Variants in COP1 observed in about 807,000 individuals in gnomAD.
The protein encoded by COP1 is E3 ubiquitin-protein ligase COP1.
A neutral mutation model predicts 101.3 loss-of-function variants in COP1; 24 were observed. The observed-to-expected ratio is 0.24, with a 90% confidence interval of 0.17 to 0.33. COP1 has a LOEUF of 0.33. COP1 is among the 10% of genes least tolerant of loss of function. COP1 has a pLI of 1.00. For synonymous variants in COP1, 347 were observed against 341.9 expected (o/e 1.01, Z -0.17); for missense variants, 663 against 906.2 (o/e 0.73, Z 3.45).
intron 1 of COP1, among the ~76,000 whole-genome samples, chr1:176,194,521 C>T (rs1446449635): frequency 6.6e-6 from 1 of 152,032 alleles, no homozygotes; most frequent in East Asian, 1.9e-4. Context: ...GCCTATAATC[C>T]CAGCTACTAG....
chr1:175,974,843 A>T (rs1423197297), intron 18 of COP1, among the ~76,000 whole-genome samples: 3 of 148,550 alleles, frequency 2.0e-5, no homozygotes, highest in Non-Finnish European at 3.0e-5. Flanking sequence ...GACCAGTCTG[A>T]CCAATATGGG....
At chr1:176,184,989 T>C (rs75880053) in intron 1 of COP1, among the ~76,000 whole-genome samples, 5,101 of 152,230 alleles carry the variant, frequency 0.034, 117 homozygotes, top group Non-Finnish European at 0.047. Flanking sequence ...AGTAGTACAA[T>C]GCAGTCACCA....
intron 15 of COP1, among the ~76,000 whole-genome samples, chr1:175,993,030 C>T (rs553475681): frequency 1.3e-5 from 2 of 152,180 alleles, no homozygotes; most frequent in South Asian, 4.1e-4. Context: ...CCGCCGGGTA[C>T]TCCTCTGAGA....
chr1:176,038,180 C>G (rs970573198), intron 14 of COP1, among the ~76,000 whole-genome samples: 1 of 151,702 alleles, frequency 6.6e-6, no homozygotes, highest in African/African-American at 2.4e-5. Flanking sequence ...TCATTAGCAC[C>G]AAAAAATAAA....
chr1:176,057,552 G>A (rs1270284123), intron 11 of COP1, among the ~76,000 whole-genome samples: 1 of 152,194 alleles, frequency 6.6e-6, no homozygotes, highest in Non-Finnish European at 1.5e-5. Flanking sequence ...GGCCGGGCTG[G>A]TCTCCAGCTC....
intron 9 of COP1, among the ~76,000 whole-genome samples, chr1:176,112,840 T>C (rs781569692): frequency 1.2e-4 from 18 of 152,164 alleles, no homozygotes; most frequent in Non-Finnish European, 2.4e-4. Flanking sequence ...CCTGGCTCAT[T>C]TCACCTAATA....
At chr1:176,168,819 G>A in intron 3 of COP1, 1 of 195,586 alleles carries the variant, frequency 5.1e-6, no homozygotes, top group Non-Finnish European at 1.1e-5. Flanking sequence ...AAGATGCAGG[G>A]AAGGGAAGTC....
chr1:176,132,321 C>A (rs1403419598), intron 8 of COP1, among the ~76,000 whole-genome samples: 1 of 151,760 alleles, frequency 6.6e-6, no homozygotes, highest in South Asian at 2.1e-4. Context: ...CTTGGAGAAG[C>A]CTGGCTATGA....
At chr1:176,035,710 C>CAAAAAAAAA (rs71129541) in intron 14 of COP1, among the ~76,000 whole-genome samples, 2 of 73,108 alleles carry the variant, frequency 2.7e-5, no homozygotes, top group Non-Finnish European at 5.0e-5. Context: ...AAAACGAGAC[C>CAAAAAAAAA]AAAAAAAAAA....
chr1:176,060,157 CT>C (rs1276851035), intron 11 of COP1, among the ~76,000 whole-genome samples: 1 of 152,064 alleles, frequency 6.6e-6, no homozygotes, highest in East Asian at 1.9e-4. Context: ...CAAGATCTTG[CT>C]TTAAAACAAC....
chr1:176,060,236 C>T (rs372389207), intron 11 of COP1, among the ~76,000 whole-genome samples: 11 of 152,176 alleles, frequency 7.2e-5, no homozygotes, highest in African/African-American at 2.7e-4. Context: ...AATAAATACA[C>T]TACCTGATAG....
intron 18 of COP1, among the ~76,000 whole-genome samples, chr1:175,960,961 C>A (rs1004561032): frequency 3.3e-5 from 5 of 152,282 alleles, no homozygotes; most frequent in African/African-American, 1.2e-4. Context: ...AGGCACCATC[C>A]AATCAGCTGG....
intron 18 of COP1, among the ~76,000 whole-genome samples, chr1:175,955,553 G>A (rs1333486976): frequency 6.6e-6 from 1 of 152,106 alleles, no homozygotes; most frequent in Non-Finnish European, 1.5e-5. Flanking sequence ...GTCTTCATTT[G>A]CAAAAGAGAT....
At chr1:176,176,423 G>A (rs1696944134) in intron 2 of COP1, among the ~76,000 whole-genome samples, 1 of 152,050 alleles carries the variant, frequency 6.6e-6, no homozygotes, top group African/African-American at 2.4e-5. Flanking sequence ...CTCAACGAAA[G>A]ACAAAAATTA....
rs192379874 is a variant in COP1, at chr1:176,147,702, T to C, written c.831+1304A>G. Among the ~76,000 whole-genome samples, 14 of 152,272 alleles carry C rather than the reference T, an allele frequency of 9.2e-5. 1 individual carries two copies. Among genetic ancestry groups the C allele is most frequent in the African/African-American group, 3.1e-4 (13 of 41,566 alleles). ...TAATAACGGAAATATAAAAACACTA[T>C]GCCAAAGCTATAAAATCAAAGTCAA... On this transcript the variant is annotated intron_variant, in intron 6 of 19. Transcript: ENST00000367669.
intron 14 of COP1, among the ~76,000 whole-genome samples, chr1:176,034,333 C>A (rs1669121846): frequency 6.6e-6 from 1 of 152,116 alleles, no homozygotes; most frequent in African/African-American, 2.4e-5. Context: ...TCTCCTCCAA[C>A]TTTTCCCCAT....
chr1:175,990,313 T>C lies in COP1; in HGVS notation c.1730-834A>G, dbSNP rs534395395. On this transcript the variant is annotated intron_variant, in intron 15 of 19. Transcript: ENST00000367669. ...CCATTTTGGTCAGAAAACTGTTTTG[T>C]ATGTCTTCAATCATTTTAAATTTAT... Among the ~76,000 whole-genome samples, 23 of 152,304 alleles carry C rather than the reference T, an allele frequency of 1.5e-4. No homozygotes were observed. In the South Asian group the frequency reaches 4.3e-3, roughly 29 times the overall value.
intron 18 of COP1, among the ~76,000 whole-genome samples, chr1:175,949,168 C>CAAAAAAAAAAAAAAAAAAAAAAAAAAA (rs56280543): frequency 9.3e-5 from 4 of 43,162 alleles, no homozygotes; most frequent in African/African-American, 2.1e-4. Context: ...GGCTCCGTCT[C>CAAAAAAAAAAAAAAAAAAAAAAAAAAA]AAAAAAAAAA....
At chr1:176,111,887 C>T (rs527843461) in intron 9 of COP1, among the ~76,000 whole-genome samples, 6 of 152,264 alleles carry the variant, frequency 3.9e-5, no homozygotes, top group African/African-American at 1.4e-4. Flanking sequence ...TGTATCATGT[C>T]AGCTCCATCT....
Sources: gnomAD v4.1 joint callset for allele counts (sites outside exome capture counted in the v4.1 genomes callset) on GRCh38, gnomAD v4.1.1 for gene constraint, MANE v1.5 for transcripts, NCBI Gene and HGNC (gene_info 2026-07-23, HGNC 2026-07-21) for gene names.